SDK1: variants seen among roughly 807,000 people sequenced by gnomAD.
The protein encoded by SDK1 is protein sidekick-1.
Under a neutral mutation model 245.5 loss-of-function variants are expected in SDK1, and 157 were observed. The observed-to-expected ratio is 0.64, with a 90% CI of 0.56 to 0.73. The LOEUF is 0.73. Ranked by LOEUF, SDK1 falls within the 30% of genes least tolerant of loss-of-function variation. The pLI is 0.00. For synonymous variants in SDK1, 1,647 were observed against 1,278.5 expected, an observed-to-expected ratio of 1.29 and a Z score of -6.15; for missense variants, 3,583 against 3,002.3, an observed-to-expected ratio of 1.19 and a Z score of -4.52.
At chr7:3,376,197 G>C (rs1411934240) in intron 1 of SDK1, among the ~76,000 whole-genome samples, 1 of 151,826 alleles carries the variant, frequency 6.6e-6, no homozygotes, top group Non-Finnish European at 1.5e-5. Flanking sequence ...ACCCTGCCTT[G>C]GGGGAAAAAA....
intron 34 of SDK1, among the ~76,000 whole-genome samples, chr7:4,176,941 C>T (rs1249724488): frequency 6.6e-6 from 1 of 152,198 alleles, no homozygotes; most frequent in Non-Finnish European, 1.5e-5. Flanking sequence ...GGAGGAGTTT[C>T]AAAATCCAAC....
At chr7:3,888,212 T>C (rs1321296548) in intron 5 of SDK1, among the ~76,000 whole-genome samples, 1 of 152,362 alleles carries the variant, frequency 6.6e-6, no homozygotes, top group Non-Finnish European at 1.5e-5. Context: ...CATACCCTTG[T>C]AGCTTTTCCC....
intron 1 of SDK1, among the ~76,000 whole-genome samples, chr7:3,329,495 AAAG>A (rs1258474388): frequency 6.6e-6 from 1 of 152,158 alleles, no homozygotes; most frequent in Non-Finnish European, 1.5e-5. Flanking sequence ...CTTCTCCCTA[AAAG>A]AAGCCTCACC....
At chr7:3,604,658 A>C (rs1781363794) in intron 1 of SDK1, among the ~76,000 whole-genome samples, 1 of 139,734 alleles carries the variant, frequency 7.2e-6, no homozygotes, top group African/African-American at 2.7e-5. Flanking sequence ...GCTGGAGTGC[A>C]ATGGTGTGAT....
intron 8 of SDK1, among the ~76,000 whole-genome samples, 187 bp downstream of exon 8, chr7:3,959,201 C>T (rs1330826083): frequency 2.6e-5 from 4 of 152,136 alleles, no homozygotes; most frequent in Admixed American, 2.6e-4. Context: ...CAAGCTTTTG[C>T]TTCCTCCCCT....
chr7:4,243,726 G>A (rs969540672), intron 43 of SDK1, among the ~76,000 whole-genome samples: 3 of 152,118 alleles, frequency 2.0e-5, no homozygotes, highest in Admixed American at 6.5e-5. Flanking sequence ...GGAATGATGG[G>A]AGCCACAACT....
At chr7:4,083,358 C>A (rs1356165920) in intron 22 of SDK1, among the ~76,000 whole-genome samples, 1 of 152,070 alleles carries the variant, frequency 6.6e-6, no homozygotes, top group Non-Finnish European at 1.5e-5. Flanking sequence ...CTCTTTTCCC[C>A]CATGCAGTTG....
At chr7:4,232,160 T>G (rs73048299) in intron 40 of SDK1, among the ~76,000 whole-genome samples, 1 of 151,658 alleles carries the variant, frequency 6.6e-6, no homozygotes, top group Non-Finnish European at 1.5e-5. Flanking sequence ...AATATTAACT[T>G]ACTTAATCCT....
chr7:3,609,986 C>G (rs767799089), intron 1 of SDK1, among the ~76,000 whole-genome samples: 10 of 152,178 alleles, frequency 6.6e-5, no homozygotes, highest in Non-Finnish European at 1.5e-4. Flanking sequence ...TAGGCAGGAG[C>G]CATCATACCT....
At chr7:3,995,116 C>T (rs1168524635) in intron 14 of SDK1, among the ~76,000 whole-genome samples, 1 of 152,184 alleles carries the variant, frequency 6.6e-6, no homozygotes, top group East Asian at 1.9e-4. Flanking sequence ...ATCTGACCAC[C>T]CCCTGCCTCT....
intron 4 of SDK1, among the ~76,000 whole-genome samples, chr7:3,765,849 T>G (rs758136704): frequency 6.6e-6 from 1 of 152,198 alleles, no homozygotes; most frequent in Non-Finnish European, 1.5e-5. Flanking sequence ...GAGGCATTAT[T>G]AAATATTAGC....
At chr7:3,392,438 G>C (rs1370973292) in intron 1 of SDK1, among the ~76,000 whole-genome samples, 1 of 151,708 alleles carries the variant, frequency 6.6e-6, no homozygotes, top group Non-Finnish European at 1.5e-5. Flanking sequence ...ATACTTTTAT[G>C]GTGGTAAAAT....
chr7:3,813,087 A>C (rs1779424140), intron 4 of SDK1, among the ~76,000 whole-genome samples: 1 of 152,174 alleles, frequency 6.6e-6, no homozygotes, highest in East Asian at 1.9e-4. Flanking sequence ...ACTACTTGAA[A>C]GCAATTTTAT....
chr7:4,029,411 A>G (rs751863918), intron 17 of SDK1, among the ~76,000 whole-genome samples: 36 of 152,056 alleles, frequency 2.4e-4, no homozygotes, highest in African/African-American at 5.8e-4. Flanking sequence ...GGATTTCACC[A>G]TGTTGGGCAG....
intron 1 of SDK1, among the ~76,000 whole-genome samples, chr7:3,307,442 C>G (rs10268249): frequency 6.6e-6 from 1 of 151,978 alleles, no homozygotes; most frequent in Non-Finnish European, 1.5e-5. Context: ...TACCTGAGAT[C>G]TGTTCTGGAG....
At chr7:3,992,651 GATT>G (rs1251599698) in intron 14 of SDK1, among the ~76,000 whole-genome samples, 1 of 152,172 alleles carries the variant, frequency 6.6e-6, no homozygotes, top group Admixed American at 6.5e-5. Context: ...CTTTCTTTGA[GATT>G]ATTATGATCC....
chr7:3,559,226 A>G (rs1399156873), intron 1 of SDK1, among the ~76,000 whole-genome samples: 2 of 152,214 alleles, frequency 1.3e-5, no homozygotes, highest in Non-Finnish European at 2.9e-5. Flanking sequence ...TTGCATGGAT[A>G]TATAATGGAG....
intron 4 of SDK1, among the ~76,000 whole-genome samples, chr7:3,759,121 A>T (rs1177180311): frequency 6.6e-6 from 1 of 152,218 alleles, no homozygotes; most frequent in Non-Finnish European, 1.5e-5. Context: ...TTTACCAACC[A>T]AAATACAGGC....
intron 1 of SDK1, among the ~76,000 whole-genome samples, chr7:3,377,051 T>C (rs1401206357): frequency 1.3e-5 from 2 of 152,226 alleles, no homozygotes; most frequent in Non-Finnish European, 2.9e-5. Context: ...TCAGCCCTGC[T>C]TCGAAAAGTT....
Sources: gnomAD v4.1 joint callset for allele counts (sites outside exome capture counted in the v4.1 genomes callset) on GRCh38, gnomAD v4.1.1 for gene constraint, MANE v1.5 for transcripts, NCBI Gene and HGNC (gene_info 2026-07-23, HGNC 2026-07-21) for gene names.